The following PHTF1 variants were observed in gnomAD, a reference collection of about 807,000 sequenced individuals.
PHTF1 encodes the protein putative homeodomain transcription factor 1, also known as protein PHTF1.
A neutral mutation model predicts 102.4 loss-of-function variants in PHTF1; 88 were observed. That is an observed-to-expected ratio of 0.86 (90% CI 0.72 to 1.03). The LOEUF (loss-of-function observed/expected upper bound fraction) is 1.03. Ranked by LOEUF, PHTF1 falls within the 50% of genes least tolerant of loss-of-function variation. The pLI, the probability that PHTF1 is intolerant of heterozygous loss-of-function variation, is 0.00. For missense variants in PHTF1, 814 were observed against 909.5 expected (o/e 0.89, Z 1.35); for synonymous variants, 289 against 305.2 (o/e 0.95, Z 0.55).
rs1333986171 is a variant in PHTF1, at chr1:113,747,832, A to C, written c.103-9033T>G. Among the ~76,000 whole-genome samples the C allele has an allele frequency of 2.6e-5, 4 of 152,256 alleles. No individual in the cohort carries two copies. The East Asian group carries it at 7.7e-4, about 29-fold the overall frequency. ...CCAAATGAGCTAGAAGTTGCTGCTGAGGGGCAGTATCTCTGACTCCCAATT... is the reference window on the plus strand; with the variant it reads ...CCAAATGAGCTAGAAGTTGCTGCTGCGGGGCAGTATCTCTGACTCCCAATT... On this transcript the variant is annotated intron_variant, in intron 3 of 18. Transcript: ENST00000369604.
At chr1:113,730,863 T>C (rs1654525502) in intron 5 of PHTF1, among the ~76,000 whole-genome samples, 1 of 152,184 alleles carries the variant, frequency 6.6e-6, no homozygotes. Flanking sequence ...TCTGAAACAT[T>C]CTACATGGGT....
intron 17 of PHTF1, chr1:113,698,744 A>AATTTTTT: frequency 4.3e-6 from 1 of 235,114 alleles, no homozygotes; most frequent in Non-Finnish European, 8.2e-6. Context: ...AGTAGTTATT[A>AATTTTTT]ACCCAAAACC....
At chr1:113,738,290 A>G (rs1655833591) in intron 4 of PHTF1, 22 bp from the exon 5 acceptor site, 1 of 1,601,612 alleles carries the variant, frequency 6.2e-7, no homozygotes, top group African/African-American at 1.3e-5. Flanking sequence ...CAATAAAACA[A>G]AACATCAAAC....
In PHTF1 at chr1:113,735,135, GC is replaced by G. The variant is rs141091164; in HGVS notation, c.331+2974del. On this transcript the variant is annotated intron_variant, in intron 5 of 18. Coordinates refer to ENST00000369604, the MANE Select transcript of PHTF1 (RefSeq NM_001323043.2). Reference sequence around the variant, plus strand: ...AATCCCAGAACTCTGGGAGGCTGAAGCAGGAGGATCACCTGGGGTCAGGAGT... The same window carrying G: ...AATCCCAGAACTCTGGGAGGCTGAAGAGGAGGATCACCTGGGGTCAGGAGT... 6.1e-3 allele frequency among the ~76,000 whole-genome samples: 929 copies of G among 152,090 alleles called. 8 individuals carry two copies. Among genetic ancestry groups the G allele is most frequent in the African/African-American group, 0.021 (870 of 41,482 alleles).
chr1:113,746,338 G>A (rs1657227950), intron 3 of PHTF1, among the ~76,000 whole-genome samples: 1 of 152,186 alleles, frequency 6.6e-6, no homozygotes, highest in African/African-American at 2.4e-5. Context: ...GGAAAGGTAA[G>A]AAAATGAAAA....
Position 113,758,192 on chromosome 1 carries a change from T to C in PHTF1, c.46-437A>G, listed in dbSNP as rs1358208462. 3.4e-5 allele frequency among the ~76,000 whole-genome samples: 4 copies of C among 117,996 alleles called. No homozygotes were observed. In the East Asian group the frequency reaches 8.9e-4, roughly 26 times the overall value. The allele number at this position is 117,996 out of a possible 152,430, so 77.4% of individuals were successfully genotyped here. On this transcript the variant is annotated intron_variant, in intron 2 of 18. Coordinates refer to ENST00000369604, the MANE Select transcript of PHTF1 (RefSeq NM_001323043.2). ...CTTGCAGTGAGCCGAGGTCGCGCCA[T>C]CGCCCTCCAGCCTGGGCAACAAGAG...
chr1:113,714,927 G>C (rs1166721553), intron 7 of PHTF1: 2 of 152,332 alleles, frequency 1.3e-5, no homozygotes, highest in Non-Finnish European at 2.9e-5. Flanking sequence ...TCAGCACAGA[G>C]AGAAAGAGAC....
chr1:113,713,522 T>G, intron 7 of PHTF1, 84 bp from the exon 8 acceptor site: 1 of 711,538 alleles, frequency 1.4e-6, no homozygotes, highest in Non-Finnish European at 2.4e-6. Flanking sequence ...GAATACGCTA[T>G]ATTATTCTGG....
At chr1:113,698,158 C>A (rs1004696602) in intron 18 of PHTF1, 104 bp downstream of exon 18, 81 of 43,886 alleles carry the variant, frequency 1.8e-3, no homozygotes, top group Non-Finnish European at 3.6e-3. Context: ...TAGAAACACA[C>A]ACACACACAC....
At chr1:113,725,302 G>T (rs1014790081) in intron 6 of PHTF1, 1 of 153,330 alleles carries the variant, frequency 6.5e-6, no homozygotes, top group East Asian at 1.9e-4. Context: ...ACTTTTTATT[G>T]ATATCCTAGA....
chr1:113,750,827 G>T (rs1266707185), intron 3 of PHTF1, among the ~76,000 whole-genome samples: 2 of 146,874 alleles, frequency 1.4e-5, no homozygotes, highest in Non-Finnish European at 3.0e-5. Context: ...CTGGGCAACA[G>T]AGCAGGACTC....
In PHTF1 at chr1:113,711,770, T is replaced by G. The variant is rs1055654713; in HGVS notation, c.1023A>C (p.Glu341Asp). ...CCTGGCTGAAGGCTGCTGATTCAAA[T>G]TCTGATTCAGCCAGACTATCTGAAT... is the stretch of plus-strand genomic sequence containing the variant. ...VRDSDSLAES[E>D]FESAAFSQGS... The change falls in exon 10 of 19, where the codon GAA (glutamate) becomes GAC (aspartate). Residue 341 changes from glutamate (E) to aspartate (D), a missense_variant. Glu to Asp is a conservative substitution (Grantham distance 45). Transcript: ENST00000369604. 4 of 1,613,632 alleles carry G rather than the reference T, an allele frequency of 2.5e-6. No homozygotes were observed. The highest frequency in any genetic ancestry group is 3.4e-6 in the Non-Finnish European group (4 of 1,179,522).
chr1:113,735,365 C>CAAAAAAAAAA (rs749964684), intron 5 of PHTF1, among the ~76,000 whole-genome samples: 3 of 28,448 alleles, frequency 1.1e-4, no homozygotes, highest in South Asian at 2.8e-3. Context: ...GACTCTGTCT[C>CAAAAAAAAAA]AAAAAAAAAA....
chr1:113,748,514 A>G (rs187065576), intron 3 of PHTF1, among the ~76,000 whole-genome samples: 2 of 151,768 alleles, frequency 1.3e-5, no homozygotes, highest in Admixed American at 1.3e-4. Context: ...TTTTCCACTG[A>G]ATTTATTTTA....
intron 5 of PHTF1, among the ~76,000 whole-genome samples, chr1:113,735,925 C>G (rs1446276776): frequency 2.0e-5 from 3 of 152,164 alleles, no homozygotes; most frequent in African/African-American, 7.2e-5. Context: ...AATGGGGATA[C>G]AGTCGTAAAG....
chr1:113,708,319 G>A (rs1370742126), intron 11 of PHTF1, among the ~76,000 whole-genome samples: 1 of 152,108 alleles, frequency 6.6e-6, no homozygotes, highest in African/African-American at 2.4e-5. Context: ...GAACATAAGC[G>A]ACTAAGGGTG....
chr1:113,702,737 C>A (rs761811218), intron 15 of PHTF1, among the ~76,000 whole-genome samples: 2 of 151,926 alleles, frequency 1.3e-5, no homozygotes, highest in Non-Finnish European at 2.9e-5. Flanking sequence ...AATATGAGAA[C>A]AAAAGAATAA....
At chr1:113,734,523 A>C (rs1039048168) in intron 5 of PHTF1, among the ~76,000 whole-genome samples, 1 of 152,202 alleles carries the variant, frequency 6.6e-6, no homozygotes, top group Non-Finnish European at 1.5e-5. Flanking sequence ...GGAAAGTGAA[A>C]CTCGCAAGTG....
rs772058046 is a variant in PHTF1, at chr1:113,704,151, C to T, written c.1820G>A (p.Arg607His). The change falls in exon 15 of 19, where the codon CGT becomes CAT. Residue 607 changes from arginine to histidine, a missense_variant. Transcript: ENST00000369604. ...CGAGGATACAACCACATCAACTGAA[C>T]GCTGTGGCCCCCGTCTCTGTGGAGT... is the stretch of plus-strand genomic sequence containing the variant. ...RSYLKRRGPQ[R>H]SVDVVVSSVF... 3.1e-6 allele frequency: 5 copies of T among 1,611,524 alleles called. No homozygotes were observed. The East Asian group carries it at 6.7e-5, about 22-fold the overall frequency.
Sources: gnomAD v4.1 joint callset for allele counts (sites outside exome capture counted in the v4.1 genomes callset) on GRCh38, gnomAD v4.1.1 for gene constraint, MANE v1.5 for transcripts, NCBI Gene and HGNC (gene_info 2026-07-23, HGNC 2026-07-21) for gene names.